The following PDS5B variants were observed in gnomAD, a reference collection of about 807,000 sequenced individuals.
PDS5B encodes PDS5 cohesin associated factor B, also known as sister chromatid cohesion protein PDS5 homolog B.
Under a neutral mutation model 184.1 loss-of-function variants are expected in PDS5B, and 51 were observed. That is an observed-to-expected ratio of 0.28 (90% CI 0.22 to 0.35). PDS5B has a LOEUF of 0.35. Ranked by LOEUF, PDS5B falls within the 10% of genes least tolerant of loss-of-function variation. The pLI is 1.00. For missense variants in PDS5B, 1,180 were observed against 1,723.3 expected, an observed-to-expected ratio of 0.68 and a Z score of 5.58; for synonymous variants, 566 against 569.2, an observed-to-expected ratio of 0.99 and a Z score of 0.08.
At chr13:32,719,142 G>A (rs1952580827) in intron 19 of PDS5B, among the ~76,000 whole-genome samples, 1 of 152,126 alleles carries the variant, frequency 6.6e-6, no homozygotes, top group African/African-American at 2.4e-5. Flanking sequence ...CTTATACCAA[G>A]TCATGAATGA....
rs1371902321 is a variant in PDS5B at position 32,777,124 on chromosome 13, TAAG to T, written c.*2075_*2077del. ...GCACCAGAAATGTTTATGGAAATAT[TAAG>T]AACATTTTATAAAACATACGAAAAA... On this transcript the variant is annotated 3_prime_UTR_variant, in exon 35 of 35. Transcript: ENST00000315596. 2 of 152,050 alleles carry T rather than the reference TAAG, an allele frequency of 1.3e-5. No homozygotes were observed. Among genetic ancestry groups the T allele is most frequent in the Non-Finnish European group, 2.9e-5 (2 of 67,884 alleles). 9.4% of individuals were successfully genotyped at this position (152,050 alleles called of 1,614,324 possible).
chr13:32,664,194 A>G lies in PDS5B; in HGVS notation c.625-3570A>G, dbSNP rs550401274. On this transcript the variant is annotated intron_variant, in intron 6 of 34. Transcript: ENST00000315596. Reference sequence around the variant, plus strand: ...CTCATTATAGTAGGTGTGTTATATTAGTGGAATAAGACAAGACATACAATA... The same window carrying G: ...CTCATTATAGTAGGTGTGTTATATTGGTGGAATAAGACAAGACATACAATA... 4.2e-3 allele frequency among the ~76,000 whole-genome samples: 634 copies of G among 152,322 alleles called. 6 individuals are homozygous for G. Among genetic ancestry groups the G allele is most frequent in the African/African-American group, 0.014 (591 of 41,570 alleles).
At chr13:32,648,169 G>A (rs772558254) in intron 1 of PDS5B, among the ~76,000 whole-genome samples, 1 of 152,190 alleles carries the variant, frequency 6.6e-6, no homozygotes, top group African/African-American at 2.4e-5. Context: ...GAAAAGAGGT[G>A]TTCATTTCTA....
intron 6 of PDS5B, among the ~76,000 whole-genome samples, chr13:32,660,676 G>A (rs748313565): frequency 4.6e-5 from 7 of 152,202 alleles, no homozygotes; most frequent in Admixed American, 6.5e-5. Context: ...GTTGATTGTC[G>A]TGGAGAAGAC....
chr13:32,765,643 G>C (rs757430430), intron 31 of PDS5B, among the ~76,000 whole-genome samples: 1 of 151,976 alleles, frequency 6.6e-6, no homozygotes, highest in Admixed American at 6.6e-5. Flanking sequence ...TCACTTTGTC[G>C]CCCAGGCTGG....
intron 19 of PDS5B, among the ~76,000 whole-genome samples, chr13:32,716,070 C>T (rs1266578075): frequency 6.6e-6 from 1 of 151,984 alleles, no homozygotes; most frequent in Admixed American, 6.5e-5. Context: ...GCAGCCTCTG[C>T]CCGGCCACCA....
chr13:32,662,423 A>G lies in PDS5B; in HGVS notation c.624+3143A>G, dbSNP rs546912434. Among the ~76,000 whole-genome samples the G allele has an allele frequency of 8.5e-5, 13 of 152,180 alleles. No homozygotes were observed. The East Asian group carries it at 2.5e-3, about 29-fold the overall frequency. Reference sequence around the variant, plus strand: ...ATAAAAATATTGAGGATTTGAAACAAAACTACTAATTTAATAACAAGCATA... The same window carrying G: ...ATAAAAATATTGAGGATTTGAAACAGAACTACTAATTTAATAACAAGCATA... On this transcript the variant is annotated intron_variant, in intron 6 of 34. Coordinates refer to ENST00000315596, the MANE Select transcript of PDS5B (RefSeq NM_015032.4).
chr13:32,697,160 GCTAATTCA>G (rs1160565771), intron 15 of PDS5B, among the ~76,000 whole-genome samples: 2 of 152,156 alleles, frequency 1.3e-5, no homozygotes, highest in African/African-American at 4.8e-5. Context: ...ACTGACTGAA[GCTAATTCA>G]CTCCAAGCCA....
intron 13 of PDS5B, chr13:32,689,634 A>C (rs914509108): frequency 1.3e-5 from 2 of 152,216 alleles, no homozygotes; most frequent in African/African-American, 2.4e-5. Flanking sequence ...GTTCCACAGA[A>C]TCACACAAGG....
chr13:32,598,219 C>T (rs905268718), intron 1 of PDS5B, among the ~76,000 whole-genome samples: 2 of 151,946 alleles, frequency 1.3e-5, no homozygotes, highest in Non-Finnish European at 2.9e-5. Context: ...ACTACAGGCA[C>T]CCGCCACCAC....
intron 1 of PDS5B, among the ~76,000 whole-genome samples, chr13:32,611,086 A>G (rs1427469457): frequency 6.6e-6 from 1 of 152,098 alleles, no homozygotes; most frequent in Admixed American, 6.5e-5. Flanking sequence ...GATCACAAAT[A>G]GGGGCATTTC....
intron 24 of PDS5B, among the ~76,000 whole-genome samples, chr13:32,750,548 C>A (rs569221771): frequency 1.3e-5 from 2 of 151,992 alleles, no homozygotes; most frequent in Admixed American, 1.3e-4. Flanking sequence ...CTAATTCCCC[C>A]CTCCTCCCCC....
At chr13:32,680,188 G>A (rs1300758200) in intron 10 of PDS5B, among the ~76,000 whole-genome samples, 1 of 151,916 alleles carries the variant, frequency 6.6e-6, no homozygotes, top group African/African-American at 2.4e-5. Flanking sequence ...GAGTGGGGGG[G>A]CTAAATCAAA....
At chr13:32,693,664 A>G (rs1299179728) in intron 13 of PDS5B, among the ~76,000 whole-genome samples, 1 of 149,542 alleles carries the variant, frequency 6.7e-6, no homozygotes, top group African/African-American at 2.4e-5. Flanking sequence ...ATATGTTAAT[A>G]TTATTTATAT....
intron 1 of PDS5B, among the ~76,000 whole-genome samples, chr13:32,599,508 CCCG>C (rs967795422): frequency 1.3e-5 from 2 of 151,000 alleles, no homozygotes; most frequent in African/African-American, 4.9e-5. Context: ...TTGTGATCTG[CCCG>C]CCTTGGGCTC....
At chr13:32,622,666 C>T (rs960540715) in intron 1 of PDS5B, among the ~76,000 whole-genome samples, 2 of 151,922 alleles carry the variant, frequency 1.3e-5, no homozygotes, top group Non-Finnish European at 2.9e-5. Flanking sequence ...TTGGTTTGTC[C>T]CTCCGGGTCT....
intron 1 of PDS5B, among the ~76,000 whole-genome samples, chr13:32,604,015 C>G (rs1290910937): frequency 2.0e-5 from 3 of 152,218 alleles, no homozygotes; most frequent in Non-Finnish European, 4.4e-5. Context: ...GTCATGTCAT[C>G]TGCAAGCAGG....
At chr13:32,586,936 C>T (rs1317805958) in intron 1 of PDS5B, among the ~76,000 whole-genome samples, 2 of 139,994 alleles carry the variant, frequency 1.4e-5, no homozygotes, top group Non-Finnish European at 3.1e-5. Flanking sequence ...CGGCGGCGGG[C>T]GGTGACCTTG....
chr13:32,765,686 C>T lies in PDS5B; in HGVS notation c.3624+1092C>T, dbSNP rs575107636. On this transcript the variant is annotated intron_variant, in intron 31 of 34. Transcript: ENST00000315596. Reference sequence around the variant, plus strand: ...TGGCACGATCTGGGCTCACTGCAACCTCCGCTTCCCGGGTTCAGGTGATTC... The same window carrying T: ...TGGCACGATCTGGGCTCACTGCAACTTCCGCTTCCCGGGTTCAGGTGATTC... Among the ~76,000 whole-genome samples the T allele has an allele frequency of 3.0e-4, 45 of 152,358 alleles. No individual in the cohort carries two copies. The South Asian group carries it at 9.1e-3, about 31-fold the overall frequency.
Sources: gnomAD v4.1 joint callset for allele counts (sites outside exome capture counted in the v4.1 genomes callset) on GRCh38, gnomAD v4.1.1 for gene constraint, MANE v1.5 for transcripts, NCBI Gene and HGNC (gene_info 2026-07-23, HGNC 2026-07-21) for gene names.